Variants in PDZRN3 observed in about 807,000 individuals in gnomAD.
PDZRN3 encodes the protein E3 ubiquitin-protein ligase PDZRN3.
A neutral mutation model predicts 85.7 loss-of-function variants in PDZRN3; 38 were observed. That is an observed-to-expected ratio of 0.44 (90% CI 0.34 to 0.58). The LOEUF (loss-of-function observed/expected upper bound fraction) is 0.58, where lower values mean the gene tolerates loss of function less well. PDZRN3 is among the 20% of genes least tolerant of loss of function. PDZRN3 has a pLI of 0.01. For missense variants in PDZRN3, 1,629 were observed against 1,506.4 expected (o/e 1.08, Z -1.35); for synonymous variants, 759 against 638.0 (o/e 1.19, Z -2.86).
intron 3 of PDZRN3, among the ~76,000 whole-genome samples, chr3:73,573,820 T>C (rs4677303): frequency 0.26 from 6,218 of 23,568 alleles, 155 homozygotes; most frequent in African/African-American, 0.38. Flanking sequence ...CCTATACATA[T>C]ACATATACAT....
intron 3 of PDZRN3, among the ~76,000 whole-genome samples, chr3:73,406,020 T>C (rs966841912): frequency 1.2e-4 from 18 of 152,186 alleles, no homozygotes; most frequent in Non-Finnish European, 2.9e-5. Flanking sequence ...CCCAAATGAA[T>C]CATGCCAGTG....
intron 3 of PDZRN3, among the ~76,000 whole-genome samples, chr3:73,504,970 C>T (rs1044196924): frequency 6.6e-6 from 1 of 152,126 alleles, no homozygotes; most frequent in Non-Finnish European, 1.5e-5. Flanking sequence ...TATGAATGTG[C>T]TTGTGATAGG....
At chr3:73,463,661 AT>A (rs1407802396) in intron 3 of PDZRN3, among the ~76,000 whole-genome samples, 1 of 152,206 alleles carries the variant, frequency 6.6e-6, no homozygotes, top group Non-Finnish European at 1.5e-5. Context: ...CAGCAACCCC[AT>A]TATTGGATAT....
At chr3:73,400,864 T>G (rs903177020) in intron 5 of PDZRN3, 58 bp downstream of exon 5, 1 of 1,190,074 alleles carries the variant, frequency 8.4e-7, no homozygotes, top group Non-Finnish European at 1.3e-6. Context: ...GAGAACTTAT[T>G]AGGCATTCTG....
At chr3:73,462,559 A>G (rs867873894) in intron 3 of PDZRN3, among the ~76,000 whole-genome samples, 23 of 150,610 alleles carry the variant, frequency 1.5e-4, no homozygotes, top group Non-Finnish European at 2.2e-4. Context: ...AAAAAAAAAA[A>G]AAAGAACTTG....
chr3:73,452,344 G>A (rs1271460292), intron 3 of PDZRN3, among the ~76,000 whole-genome samples: 1 of 152,084 alleles, frequency 6.6e-6, no homozygotes, highest in East Asian at 1.9e-4. Flanking sequence ...CAAAACACAC[G>A]GCTTTTCTCT....
chr3:73,521,094 G>C (rs561170466), intron 3 of PDZRN3, among the ~76,000 whole-genome samples: 1 of 152,180 alleles, frequency 6.6e-6, no homozygotes, highest in Admixed American at 6.5e-5. Context: ...CAAGTGAGAC[G>C]TGTCAGCAAG....
intron 3 of PDZRN3, among the ~76,000 whole-genome samples, chr3:73,462,707 G>A (rs1703133017): frequency 6.6e-6 from 1 of 152,154 alleles, no homozygotes; most frequent in Non-Finnish European, 1.5e-5. Flanking sequence ...CTCTCTGCAT[G>A]TGGTGGAAGG....
chr3:73,618,042 T>C (rs986067095), intron 1 of PDZRN3, among the ~76,000 whole-genome samples: 14 of 152,142 alleles, frequency 9.2e-5, no homozygotes, highest in African/African-American at 2.9e-4. Flanking sequence ...TTTTGTTTTG[T>C]ACTCCATGTG....
chr3:73,621,564 AC>A (rs1260967421), intron 1 of PDZRN3: 2 of 152,174 alleles, frequency 1.3e-5, no homozygotes, highest in Non-Finnish European at 2.9e-5. Context: ...TTTATGGTTG[AC>A]CCAGGAACAG....
At chr3:73,444,503 T>C (rs1477544741) in intron 3 of PDZRN3, among the ~76,000 whole-genome samples, 1 of 152,234 alleles carries the variant, frequency 6.6e-6, no homozygotes, top group Non-Finnish European at 1.5e-5. Flanking sequence ...GACCAATAAA[T>C]AGCTTCATTA....
chr3:73,399,325 G>GTGTT (rs1701703459), intron 5 of PDZRN3, among the ~76,000 whole-genome samples: 1 of 152,174 alleles, frequency 6.6e-6, no homozygotes, highest in Admixed American at 6.5e-5. Flanking sequence ...TTGGAGAGCA[G>GTGTT]TGTTTCTCCA....
rs1701329656 is a variant in PDZRN3 at position 73,384,880 on chromosome 3, G to A, written c.1686C>T (p.Ser562=). 5 of 1,613,204 alleles carry A rather than the reference G, an allele frequency of 3.1e-6. No homozygotes were observed. Among genetic ancestry groups the A allele is most frequent in the Non-Finnish European group, 3.4e-6 (4 of 1,179,476 alleles). ...CACCGCTGTCCTTCTCGTGCTGGTT[G>A]GACAAGATGGTGGCTGTATCTGTGG... ...GGTTDTATIL[S]NQHEKDSGVG... is the part of the protein sequence containing the mutation. The change falls in exon 10 of 10, where the codon TCC becomes TCT. Residue 562 remains serine (S), a synonymous_variant. Coordinates refer to ENST00000263666, the MANE Select transcript of PDZRN3 (RefSeq NM_015009.3).
chr3:73,440,372 A>G (rs183197243), intron 3 of PDZRN3, among the ~76,000 whole-genome samples: 1 of 152,300 alleles, frequency 6.6e-6, no homozygotes, highest in African/African-American at 2.4e-5. Context: ...ACAGACCCGG[A>G]AACAGGCTGC....
chr3:73,457,017 C>T (rs567106977), intron 3 of PDZRN3, among the ~76,000 whole-genome samples: 2 of 152,056 alleles, frequency 1.3e-5, no homozygotes, highest in Admixed American at 6.5e-5. Context: ...AAACAAAATG[C>T]TTACTTTAAA....
rs576482841 is a variant in PDZRN3, at chr3:73,448,676, C to T, written c.919-44281G>A. Among the ~76,000 whole-genome samples, 282 of 151,938 alleles carry T rather than the reference C, an allele frequency of 1.9e-3. 1 individual carries two copies. Among genetic ancestry groups the T allele is most frequent in the Non-Finnish European group, 3.0e-3 (202 of 67,940 alleles). On this transcript the variant is annotated intron_variant, in intron 3 of 9. Transcript: ENST00000263666. ...GCTTCACAAGTGAGCAATATCATGG[C>T]AAGAAAAAAACATTTAGAACAGAAT...
chr3:73,566,453 T>C (rs1701951981), intron 3 of PDZRN3, among the ~76,000 whole-genome samples: 1 of 152,228 alleles, frequency 6.6e-6, no homozygotes. Context: ...TAAGGAACTC[T>C]GCAACAAAAG....
chr3:73,403,836 T>G (rs527650069), intron 4 of PDZRN3, among the ~76,000 whole-genome samples: 5 of 152,312 alleles, frequency 3.3e-5, no homozygotes, highest in Non-Finnish European at 7.3e-5. Flanking sequence ...TAGTAATAAC[T>G]GCAGGATCTT....
intron 3 of PDZRN3, among the ~76,000 whole-genome samples, chr3:73,472,057 C>T (rs1449633891): frequency 6.7e-6 from 1 of 149,572 alleles, no homozygotes; most frequent in African/African-American, 2.6e-5. Context: ...TTTTAAGATA[C>T]TGTTGTGGAG....
Sources: allele counts gnomAD v4.1 joint callset (sites outside exome capture counted in the v4.1 genomes callset), GRCh38; gene constraint gnomAD v4.1.1; transcripts MANE v1.5; gene names NCBI Gene and HGNC (gene_info 2026-07-23, HGNC 2026-07-21).